The following EPHA5 variants were observed in gnomAD, a reference collection of about 807,000 sequenced individuals.
EPHA5 encodes EPH receptor A5, also known as ephrin type-A receptor 5.
Under a neutral mutation model 105.0 loss-of-function variants are expected in EPHA5, and 60 were observed. That is an observed-to-expected ratio of 0.57 (90% CI 0.46 to 0.71). The LOEUF (loss-of-function observed/expected upper bound fraction) is 0.71. Ranked by LOEUF, EPHA5 falls within the 30% of genes least tolerant of loss-of-function variation. The probability of loss-of-function intolerance (pLI) is 0.00; values close to 1 mark genes in which losing one functional copy is unlikely to be tolerated. For missense variants in EPHA5, 1,218 were observed against 1,274.7 expected (o/e 0.96, Z 0.68); for synonymous variants, 513 against 449.1 (o/e 1.14, Z -1.80).
At chr4:65,647,437 G>A (rs1189134512) in intron 1 of EPHA5, among the ~76,000 whole-genome samples, 1 of 151,824 alleles carries the variant, frequency 6.6e-6, no homozygotes, top group Non-Finnish European at 1.5e-5. Flanking sequence ...GAGGGGATTG[G>A]CAGTAATAGA....
At chr4:65,373,295 C>T (rs998435011) in intron 8 of EPHA5, among the ~76,000 whole-genome samples, 1 of 151,806 alleles carries the variant, frequency 6.6e-6, no homozygotes, top group African/African-American at 2.4e-5. Context: ...TCAAACAACA[C>T]CCCCATCTGC....
rs1442283779 is a variant in EPHA5 at position 65,626,122 on chromosome 4, C to T, written c.246+17241G>A. Among the ~76,000 whole-genome samples the T allele has an allele frequency of 6.1e-5, 9 of 147,184 alleles. No individual in the cohort carries two copies. The South Asian group carries it at 6.4e-4, about 10-fold the overall frequency. On this transcript the variant is annotated intron_variant, in intron 2 of 16. Transcript: ENST00000613740. ...TCTCAAAAAAAAAAAAAAAAATGCA[C>T]TTTTAAAAAATGTTAATTGAATATC...
chr4:65,414,529 G>A (rs2149021639), intron 6 of EPHA5, 86 bp from the exon 7 acceptor site: 1 of 1,436,390 alleles, frequency 7.0e-7, no homozygotes, highest in South Asian at 1.3e-5. Flanking sequence ...ATCAGAAAAT[G>A]AATCAGAAAC....
At chr4:65,358,542 T>C (rs539736717) in intron 11 of EPHA5, among the ~76,000 whole-genome samples, 1 of 151,684 alleles carries the variant, frequency 6.6e-6, no homozygotes, top group African/African-American at 2.4e-5. Context: ...AATCAATTAT[T>C]AATGGATAAT....
At position 65,545,094 on chromosome 4, in the gene EPHA5, G is replaced by A. The variant is rs534610905; in HGVS notation, c.911-49551C>T. 5.9e-5 allele frequency among the ~76,000 whole-genome samples: 9 copies of A among 151,872 alleles called. No individual in the cohort carries two copies. The South Asian group carries it at 1.9e-3, about 31-fold the overall frequency. On this transcript the variant is annotated intron_variant, in intron 3 of 16. Coordinates refer to ENST00000613740, the MANE Select transcript of EPHA5 (RefSeq NM_001281766.3). ...AACTACCATGGGGGCTATTGTTCTT[G>A]TTAATATATTTGCCATTAAAATGCA... is the stretch of plus-strand genomic sequence containing the variant.
At chr4:65,370,461 C>T (rs115998581) in intron 8 of EPHA5, among the ~76,000 whole-genome samples, 2,396 of 152,078 alleles carry the variant, frequency 0.016, 62 homozygotes, top group African/African-American at 0.055. Flanking sequence ...CTTTGTTAGA[C>T]GAATTCTACA....
chr4:65,505,865 T>A (rs1318207022), intron 3 of EPHA5, among the ~76,000 whole-genome samples: 1 of 152,196 alleles, frequency 6.6e-6, no homozygotes, highest in Non-Finnish European at 1.5e-5. Context: ...TTTCTTTTAT[T>A]CTACTTTAAG....
In EPHA5 at chr4:65,348,087, T is replaced by G. The variant is rs1477571161; in HGVS notation, c.2562A>C (p.Gly854=). 6.2e-7 allele frequency: 1 copy of G among 1,610,854 alleles called. No homozygotes were observed. The highest frequency in any genetic ancestry group is 8.5e-7 in the Non-Finnish European group (1 of 1,178,498). Residue 854 remains glycine, a synonymous_variant, in exon 14 of 17, where the codon GGA becomes GGC. Coordinates refer to ENST00000613740, the MANE Select transcript of EPHA5 (RefSeq NM_001281766.3). Reference sequence around the variant, plus strand: ...TGGTCATCTCCCAGTAGGGTCTCTCTCCATAAGACACAACTTCCCACATTA... The same window carrying G: ...TGGTCATCTCCCAGTAGGGTCTCTCGCCATAAGACACAACTTCCCACATTA... The part of the protein sequence containing the change: ...GIVMWEVVSY[G]ERPYWEMTNQ...
chr4:65,523,724 T>A (rs1341760239), intron 3 of EPHA5, among the ~76,000 whole-genome samples: 1 of 151,882 alleles, frequency 6.6e-6, no homozygotes, highest in Non-Finnish European at 1.5e-5. Context: ...CTTTGGTGAG[T>A]TTTCAGAGTC....
intron 3 of EPHA5, among the ~76,000 whole-genome samples, chr4:65,523,127 T>A (rs1019778731): frequency 6.6e-6 from 1 of 152,000 alleles, no homozygotes; most frequent in Non-Finnish European, 1.5e-5. Context: ...TATATATTAT[T>A]TAATGTATGT....
chr4:65,545,830 G>A (rs1737320094), intron 3 of EPHA5, among the ~76,000 whole-genome samples: 1 of 151,916 alleles, frequency 6.6e-6, no homozygotes, highest in Non-Finnish European at 1.5e-5. Context: ...AAACCCTGTT[G>A]TCAACAATCA....
chr4:65,488,142 T>TC (rs2149206340), intron 5 of EPHA5, among the ~76,000 whole-genome samples: 1 of 152,306 alleles, frequency 6.6e-6, no homozygotes, highest in South Asian at 2.1e-4. Flanking sequence ...TGAAAATTGA[T>TC]CTTTTTTTGG....
intron 2 of EPHA5, among the ~76,000 whole-genome samples, chr4:65,642,736 A>T (rs1747771876): frequency 6.6e-6 from 1 of 151,930 alleles, no homozygotes; most frequent in Non-Finnish European, 1.5e-5. Context: ...TTATAATCAA[A>T]TTTGTTATAA....
chr4:65,453,486 C>T (rs1278044510), intron 5 of EPHA5, among the ~76,000 whole-genome samples: 2 of 152,102 alleles, frequency 1.3e-5, no homozygotes, highest in Non-Finnish European at 2.9e-5. Flanking sequence ...AACAGAAACA[C>T]CTGAAATTGG....
rs1459041115 is a variant in EPHA5 at position 65,351,433 on chromosome 4, A to C, written c.2401T>G (p.Ser801Ala). 3 of 1,613,788 alleles carry C rather than the reference A, an allele frequency of 1.9e-6. No individual in the cohort carries two copies. Among genetic ancestry groups the C allele is most frequent in the Middle Eastern group, 1.7e-4 (1 of 6,060 alleles). Residue 801 changes from serine to alanine, a missense_variant, in exon 13 of 17, where the codon TCC becomes GCC. Coordinates refer to ENST00000613740, the MANE Select transcript of EPHA5 (RefSeq NM_001281766.3). ...TCGGGATCATCTTCCAGTACCCGGG[A>C]AAGTCCAAAGTCAGACACTTTGCAC... is the stretch of plus-strand genomic sequence containing the variant. ...LVCKVSDFGL[S>A]RVLEDDPEAA...
intron 8 of EPHA5, among the ~76,000 whole-genome samples, chr4:65,390,456 C>T (rs1345794524): frequency 6.6e-6 from 1 of 151,960 alleles, no homozygotes; most frequent in Non-Finnish European, 1.5e-5. Flanking sequence ...TCTCTGATGG[C>T]CCTGCATGAC....
intron 14 of EPHA5, among the ~76,000 whole-genome samples, chr4:65,339,798 A>G (rs996934013): frequency 1.3e-5 from 2 of 152,026 alleles, no homozygotes; most frequent in Middle Eastern, 3.2e-3. Flanking sequence ...CTCATGCCAC[A>G]CTCACTTGGA....
In EPHA5 at chr4:65,506,500, C is replaced by T. The variant is rs1733042116; in HGVS notation, c.911-10957G>A. ...AAGTGTTCCTATTTCTCCGCATCCT[C>T]TCCAGCACCTGTTGTTTCCTGACTT... On this transcript the variant is annotated intron_variant, in intron 3 of 16. Transcript: ENST00000613740. 2.1e-5 allele frequency among the ~76,000 whole-genome samples: 3 copies of T among 145,426 alleles called. 1 individual carries two copies. Among genetic ancestry groups the T allele is most frequent in the African/African-American group, 2.5e-5 (1 of 39,314 alleles).
chr4:65,488,610 C>T (rs1408203935), intron 5 of EPHA5, among the ~76,000 whole-genome samples: 1 of 152,114 alleles, frequency 6.6e-6, no homozygotes, highest in Non-Finnish European at 1.5e-5. Context: ...CTGTCCAGCT[C>T]TTTAGCACTT....
Sources: gnomAD v4.1 joint callset for allele counts (sites outside exome capture counted in the v4.1 genomes callset) on GRCh38, gnomAD v4.1.1 for gene constraint, MANE v1.5 for transcripts, NCBI Gene and HGNC (gene_info 2026-07-23, HGNC 2026-07-21) for gene names.